Variants in KANK1 observed in about 807,000 individuals in gnomAD.
KANK1 encodes KN motif and ankyrin repeat domains 1.
KANK1 carries 109 observed loss-of-function variants against 106.2 expected under a neutral mutation model. That is an observed-to-expected ratio of 1.03 (90% confidence interval 0.88 to 1.20). The LOEUF is 1.20. KANK1 is among the 50% of genes most tolerant of loss of function. The pLI, the probability that KANK1 is intolerant of heterozygous loss-of-function variation, is 0.00. For synonymous variants in KANK1, 873 were observed against 652.2 expected (o/e 1.34, Z -5.16); for missense variants, 2,399 against 1,710.7 (o/e 1.40, Z -7.10).
At position 523,387 on chromosome 9, in the gene KANK1, A is replaced by G. The variant is rs895965515; in HGVS notation, c.-84+18633A>G. 3.3e-4 allele frequency among the ~76,000 whole-genome samples: 50 copies of G among 151,562 alleles called. 1 individual carries two copies. The highest frequency in any genetic ancestry group is 1.1e-3 in the African/African-American group (47 of 40,998). On this transcript the variant is annotated intron_variant, in intron 1 of 11. Coordinates refer to ENST00000382297, the MANE Select transcript of KANK1 (RefSeq NM_015158.5). ...AATCTGCATCGTCCTCCCTCTTTCC[A>G]CTGCCACCATCCTCTCTCACCTCAA... is the stretch of plus-strand genomic sequence containing the variant.
chr9:741,706 C>T (rs565230689), intron 9 of KANK1, among the ~76,000 whole-genome samples: 1 of 152,068 alleles, frequency 6.6e-6, no homozygotes, highest in African/African-American at 2.4e-5. Flanking sequence ...CCAGGATGGT[C>T]TTGATCTCCT....
intron 11 of KANK1, 137 bp from the exon 12 acceptor site, chr9:745,036 G>C (rs1836826335): frequency 6.6e-7 from 1 of 1,517,036 alleles, no homozygotes; most frequent in Non-Finnish European, 8.8e-7. Flanking sequence ...CCTGTTCCCT[G>C]TTCTCAGCCA....
chr9:607,449 C>T (rs1477983473), intron 1 of KANK1, among the ~76,000 whole-genome samples: 2 of 140,612 alleles, frequency 1.4e-5, no homozygotes, highest in Non-Finnish European at 3.0e-5. Flanking sequence ...CGTGCCATTG[C>T]ACTCCAGCCT....
chr9:528,021 T>C (rs2059877837), intron 1 of KANK1, among the ~76,000 whole-genome samples: 1 of 151,600 alleles, frequency 6.6e-6, no homozygotes, highest in South Asian at 2.1e-4. Context: ...TAGTCCCAGC[T>C]ACTCGGGAGG....
At chr9:685,038 CTT>C (rs1243369614) in intron 2 of KANK1, among the ~76,000 whole-genome samples, 1 of 152,166 alleles carries the variant, frequency 6.6e-6, no homozygotes, top group Non-Finnish European at 1.5e-5. Context: ...AAAGCAGACT[CTT>C]TTCTTTTTCC....
At chr9:562,126 C>T (rs1419768606) in intron 1 of KANK1, among the ~76,000 whole-genome samples, 1 of 146,282 alleles carries the variant, frequency 6.8e-6, no homozygotes, top group Non-Finnish European at 1.5e-5. Flanking sequence ...AATCTCGGCT[C>T]ACTGCAAGCT....
At chr9:643,708 TGGG>T (rs1839019796) in intron 1 of KANK1, among the ~76,000 whole-genome samples, 1 of 149,886 alleles carries the variant, frequency 6.7e-6, no homozygotes. Context: ...TTGTTTTTTT[TGGG>T]TTTTTTTTAG....
chr9:562,002 T>G (rs1432812481), intron 1 of KANK1, among the ~76,000 whole-genome samples: 1 of 151,784 alleles, frequency 6.6e-6, no homozygotes, highest in African/African-American at 2.4e-5. Context: ...TTTTATAACT[T>G]AGGTAAGTTG....
rs1270381982 is a variant in KANK1, at chr9:711,746, G to C, written c.980G>C (p.Gly327Ala). The part of the protein sequence containing the change: ...CGVRKRSYSA[G>A]NASQLEQLSR... ...GTGAGGAAGCGGTCCTATAGTGCGG[G>C]GAACGCCTCCCAGCTGGAACAGCTC... is the stretch of plus-strand genomic sequence containing the variant. The change falls in exon 3 of 12, where the codon GGG becomes GCG. Residue 327 changes from glycine (G) to alanine (A), a missense_variant. Gly to Ala is a moderately conservative substitution (Grantham distance 60, BLOSUM62 0). Coordinates refer to ENST00000382297, the MANE Select transcript of KANK1 (RefSeq NM_015158.5). 4 of 1,614,102 alleles carry C rather than the reference G, an allele frequency of 2.5e-6. No individual in the cohort carries two copies. The highest frequency in any genetic ancestry group is 2.5e-6 in the Non-Finnish European group (3 of 1,180,050).
intron 3 of KANK1, among the ~76,000 whole-genome samples, chr9:722,705 A>G (rs1829671560): frequency 6.6e-6 from 1 of 152,234 alleles, no homozygotes; most frequent in Non-Finnish European, 1.5e-5. Flanking sequence ...TGACTTGACA[A>G]AGGAGAGCCA....
chr9:558,801 T>C (rs767193238), intron 1 of KANK1: 1 of 152,162 alleles, frequency 6.6e-6, no homozygotes, highest in African/African-American at 2.4e-5. Flanking sequence ...TACATGTATG[T>C]GGAGTGACTC....
chr9:682,109 G>A (rs955613757), intron 2 of KANK1, among the ~76,000 whole-genome samples: 1 of 151,886 alleles, frequency 6.6e-6, no homozygotes, highest in Non-Finnish European at 1.5e-5. Flanking sequence ...GTGAAAACCC[G>A]TCTCTACTAA....
chr9:557,346 A>G (rs1384227642), intron 1 of KANK1, among the ~76,000 whole-genome samples: 1 of 152,236 alleles, frequency 6.6e-6, no homozygotes, highest in Non-Finnish European at 1.5e-5. Context: ...AATATGTATC[A>G]TTGTTGAAGC....
At chr9:526,381 G>C (rs1402699133) in intron 1 of KANK1, among the ~76,000 whole-genome samples, 1 of 151,518 alleles carries the variant, frequency 6.6e-6, no homozygotes, top group Non-Finnish European at 1.5e-5. Flanking sequence ...ACCATCATTG[G>C]TTCTCATATG....
intron 3 of KANK1, among the ~76,000 whole-genome samples, chr9:725,478 CA>C (rs1830411321): frequency 1.5e-5 from 2 of 129,806 alleles, no homozygotes; most frequent in South Asian, 4.9e-4. Context: ...GCCTGGGTGA[CA>C]GAGCAAGACT....
rs528893441 is a variant in KANK1, at chr9:668,099, TCTA to T, written c.-83-8788_-83-8786del. 2.5e-3 allele frequency among the ~76,000 whole-genome samples: 374 copies of T among 152,224 alleles called. 5 individuals carry two copies. The highest frequency in any genetic ancestry group is 8.5e-3 in the African/African-American group (355 of 41,522). On this transcript the variant is annotated intron_variant, in intron 1 of 11. Coordinates refer to ENST00000382297, the MANE Select transcript of KANK1 (RefSeq NM_015158.5). ...GTCAGAAAGGATACTTGATATGATT[TCTA>T]CTTTTAAAAATTTGTTGAGACTTGT...
intron 1 of KANK1, among the ~76,000 whole-genome samples, chr9:554,946 G>C (rs1423595024): frequency 6.6e-6 from 1 of 152,182 alleles, no homozygotes; most frequent in Non-Finnish European, 1.5e-5. Context: ...AAGAGAGTTA[G>C]TGAAGTCTAC....
At chr9:731,084 A>G (rs1387970728) in intron 4 of KANK1, 74 bp from the exon 5 acceptor site, 7 of 730,604 alleles carry the variant, frequency 9.6e-6, no homozygotes, top group Non-Finnish European at 1.6e-5. Flanking sequence ...TGAGAAAAGA[A>G]CTGTACAGGA....
intron 1 of KANK1, among the ~76,000 whole-genome samples, chr9:587,015 A>T (rs1307525159): frequency 6.6e-6 from 1 of 152,180 alleles, no homozygotes; most frequent in Non-Finnish European, 1.5e-5. Context: ...TTCCTTTCAG[A>T]ATGATGGTCA....
Sources: allele counts gnomAD v4.1 joint callset (sites outside exome capture counted in the v4.1 genomes callset), GRCh38; gene constraint gnomAD v4.1.1; transcripts MANE v1.5; gene names NCBI Gene and HGNC (gene_info 2026-07-23, HGNC 2026-07-21).